CABIN1: variants seen among roughly 807,000 people sequenced by gnomAD.
CABIN1 encodes calcineurin binding protein 1, also known as calcineurin-binding protein cabin-1.
A neutral mutation model predicts 227.7 loss-of-function variants in CABIN1; 133 were observed. That is an observed-to-expected ratio of 0.58 (90% confidence interval 0.51 to 0.67). The LOEUF is 0.67. Among genes scored for constraint, CABIN1 ranks in the 30% least tolerant of loss-of-function variants. The probability of loss-of-function intolerance (pLI) is 0.00; values close to 1 mark genes in which losing one functional copy is unlikely to be tolerated. For missense variants in CABIN1, 2,408 were observed against 2,852.5 expected, an observed-to-expected ratio of 0.84 and a Z score of 3.55; for synonymous variants, 1,086 against 1,155.1, an observed-to-expected ratio of 0.94 and a Z score of 1.21.
chr22:24,086,123 A>G (rs1190944209), intron 22 of CABIN1, among the ~76,000 whole-genome samples: 1 of 152,230 alleles, frequency 6.6e-6, no homozygotes, highest in East Asian at 1.9e-4. Context: ...GGTTTCTTCC[A>G]GTCAGGGAGC....
chr22:24,070,322 T>C (rs571618209), intron 16 of CABIN1, among the ~76,000 whole-genome samples: 1 of 152,354 alleles, frequency 6.6e-6, no homozygotes, highest in South Asian at 2.1e-4. Flanking sequence ...GTGATGACTT[T>C]AGTGTTGCCT....
intron 29 of CABIN1, among the ~76,000 whole-genome samples, chr22:24,157,034 T>G (rs1164332099): frequency 2.6e-5 from 4 of 151,724 alleles, no homozygotes; most frequent in African/African-American, 9.7e-5. Flanking sequence ...TTGCCCTCAG[T>G]AGCCCCGCCT....
intron 30 of CABIN1, 85 bp downstream of exon 30, chr22:24,164,648 G>T: frequency 6.8e-7 from 1 of 1,471,894 alleles, no homozygotes; most frequent in Non-Finnish European, 9.2e-7. Context: ...CACTGCTCTG[G>T]CCCAGCTGTG....
chr22:24,113,398 G>C (rs938317258), intron 26 of CABIN1, among the ~76,000 whole-genome samples, 168 bp from the exon 27 acceptor site: 16 of 152,212 alleles, frequency 1.1e-4, no homozygotes, highest in African/African-American at 3.9e-4. Context: ...GTTGCTCCGT[G>C]GCCTCTGGGA....
intron 19 of CABIN1, among the ~76,000 whole-genome samples, chr22:24,078,002 C>T (rs2040554058): frequency 6.6e-6 from 1 of 152,186 alleles, no homozygotes; most frequent in African/African-American, 2.4e-5. Flanking sequence ...GCCCAAGGCC[C>T]AGCCTTTACA....
At position 24,177,557 on chromosome 22, in the gene CABIN1, A is replaced by C; in HGVS notation, c.6259A>C (p.Ser2087Arg). Residue 2087 changes from serine (S) to arginine (R), a missense_variant, in exon 36 of 37, where the codon AGT becomes CGT. Ser to Arg is a moderately radical substitution (Grantham distance 110). This residue lies in a region of CABIN1 where 714 missense variants were observed against 773.8 expected (regional missense o/e 0.92). Coordinates refer to ENST00000263119, the MANE Select transcript of CABIN1 (RefSeq NM_012295.4). The surrounding 1 kb of genome is among the most constrained non-coding windows in gnomAD (Gnocchi z 4.4). ...RRDGEAQEAA[S>R]ETQPLSSPPT... ...GGATGGGGAGGCTCAGGAGGCTGCG[A>C]GTGAGACTCAGCCCCTGAGCTCTCC... is the stretch of plus-strand genomic sequence containing the variant. 2 of 1,583,800 alleles carry C rather than the reference A, an allele frequency of 1.3e-6. No individual in the cohort carries two copies. Among genetic ancestry groups the C allele is most frequent in the Non-Finnish European group, 1.7e-6 (2 of 1,160,056 alleles).
chr22:24,053,867 C>T lies in CABIN1; in HGVS notation c.807-1006C>T, dbSNP rs144572512. On this transcript the variant is annotated intron_variant, in intron 8 of 36. Coordinates refer to ENST00000263119, the MANE Select transcript of CABIN1 (RefSeq NM_012295.4). ...CTGATGGGGGCTGTGAGGAGAGAAG[C>T]GCAGTGCTGGAAGGCCTCTGAACAA... 8.0e-3 allele frequency among the ~76,000 whole-genome samples: 1,214 copies of T among 152,048 alleles called. 6 individuals carry two copies. Among genetic ancestry groups the T allele is most frequent in the South Asian group, 0.015 (70 of 4,818 alleles).
chr22:24,178,560 G>T lies in CABIN1; in HGVS notation c.*364G>T. The T allele has an allele frequency of 3.0e-6, 1 of 337,354 alleles. No homozygotes were observed. Among genetic ancestry groups the T allele is most frequent in the South Asian group, 2.8e-5 (1 of 35,952 alleles). The allele number at this position is 337,354 out of a possible 1,614,324, so 20.9% of individuals were successfully genotyped here. Reference sequence around the variant, plus strand: ...CGGCTCTGCCTGTGTCACAGTGGAGGGGTCCTTTAGGGCCAGGCTCACCCC... The same window carrying T: ...CGGCTCTGCCTGTGTCACAGTGGAGTGGTCCTTTAGGGCCAGGCTCACCCC... On this transcript the variant is annotated 3_prime_UTR_variant, in exon 37 of 37. Coordinates refer to ENST00000263119, the MANE Select transcript of CABIN1 (RefSeq NM_012295.4).
rs1460294413 is a variant in CABIN1 at position 24,072,432 on chromosome 22, C to T, written c.2554C>T (p.His852Tyr). ...TTCAGTGCTACCCTGGATCATTCTA[C>T]ACCGGATCATCTGGCAGGAGGAAGA... is the stretch of plus-strand genomic sequence containing the variant. ...VSSVLPWIILHRIIWQEEDTF... is the reference protein window; with the variant it reads ...VSSVLPWIILYRIIWQEEDTF... Residue 852 changes from histidine (H) to tyrosine (Y), a missense_variant, in exon 18 of 37, where the codon CAC (histidine) becomes TAC (tyrosine). This residue lies in a region of CABIN1 where 1,045 missense variants were observed against 1,168.4 expected (regional missense o/e 0.89). Transcript: ENST00000263119. 6.2e-7 allele frequency: 1 copy of T among 1,614,212 alleles called. No homozygotes were observed. Among genetic ancestry groups the T allele is most frequent in the East Asian group, 2.2e-5 (1 of 44,884 alleles).
intron 28 of CABIN1, among the ~76,000 whole-genome samples, chr22:24,121,616 T>G (rs1233905884): frequency 6.6e-6 from 1 of 152,228 alleles, no homozygotes; most frequent in Non-Finnish European, 1.5e-5. Context: ...ATGTCCTCAC[T>G]GCTGAAGCCG....
At chr22:24,100,486 A>G (rs2042140011) in intron 26 of CABIN1, among the ~76,000 whole-genome samples, 1 of 152,196 alleles carries the variant, frequency 6.6e-6, no homozygotes. Context: ...CACACTGCCC[A>G]CCTCTGTTCC....
intron 8 of CABIN1, 54 bp downstream of exon 8, chr22:24,051,028 G>A: frequency 6.2e-7 from 1 of 1,609,956 alleles, no homozygotes; most frequent in East Asian, 2.2e-5. Context: ...GCCCTGTTGT[G>A]GGATGCTGCC....
rs1050329136 is a variant in CABIN1 at position 24,070,690 on chromosome 22, C to T, written c.2233-110C>T. On this transcript the variant is annotated intron_variant, in intron 16 of 36. Coordinates refer to ENST00000263119, the MANE Select transcript of CABIN1 (RefSeq NM_012295.4). Reference sequence around the variant, plus strand: ...TATGTTGTGCTGGGGCTCGTTCTTCCCTTTCTTTTGCTGCCCCTCATCTGT... The same window carrying T: ...TATGTTGTGCTGGGGCTCGTTCTTCTCTTTCTTTTGCTGCCCCTCATCTGT... The T allele has an allele frequency of 2.0e-6, 3 of 1,526,592 alleles. No homozygotes were observed. The African/African-American group carries it at 4.1e-5, about 21-fold the overall frequency. The allele number at this position is 1,526,592 out of a possible 1,614,324, so 94.6% of individuals were successfully genotyped here. A position where few individuals can be genotyped will look rare whatever the true frequency, so the allele number is the denominator to read the frequency against.
intron 6 of CABIN1, among the ~76,000 whole-genome samples, chr22:24,047,544 G>A (rs1198726274): frequency 6.6e-6 from 1 of 152,196 alleles, no homozygotes; most frequent in East Asian, 1.9e-4. Context: ...GGCACCTTTG[G>A]ACCATCTATT....
At chr22:24,026,827 C>T (rs1208867538) in intron 1 of CABIN1, among the ~76,000 whole-genome samples, 1 of 152,188 alleles carries the variant, frequency 6.6e-6, no homozygotes, top group African/African-American at 2.4e-5. Context: ...GTGATCCGTC[C>T]AATATTACTA....
intron 1 of CABIN1, among the ~76,000 whole-genome samples, chr22:24,027,837 G>GT (rs1275903911): frequency 1.3e-5 from 2 of 152,014 alleles, no homozygotes; most frequent in Non-Finnish European, 2.9e-5. Flanking sequence ...ATACATTACT[G>GT]TTTTTTTATA....
intron 26 of CABIN1, among the ~76,000 whole-genome samples, chr22:24,104,348 C>T (rs528338956): frequency 6.6e-6 from 1 of 152,322 alleles, no homozygotes; most frequent in East Asian, 1.9e-4. Flanking sequence ...TTAAAGCCTC[C>T]CGAGGCCTCC....
At chr22:24,048,699 C>T (rs879627727) in intron 6 of CABIN1, among the ~76,000 whole-genome samples, 3 of 152,184 alleles carry the variant, frequency 2.0e-5, no homozygotes, top group Non-Finnish European at 4.4e-5. Context: ...GGATTATAGG[C>T]GTGAGCCCTG....
At chr22:24,055,846 A>C (rs1211160302) in intron 9 of CABIN1, among the ~76,000 whole-genome samples, 3 of 152,204 alleles carry the variant, frequency 2.0e-5, no homozygotes, top group Non-Finnish European at 4.4e-5. Flanking sequence ...GGGTAGGGTC[A>C]TAGCCACTCA....
Sources: gnomAD v4.1 joint callset for allele counts (sites outside exome capture counted in the v4.1 genomes callset) on GRCh38, gnomAD v4.1.1 for gene constraint, gnomAD v4.1.1 regional missense constraint, Gnocchi (gnomAD v3.1) non-coding constraint, MANE v1.5 for transcripts, NCBI Gene and HGNC (gene_info 2026-07-23, HGNC 2026-07-21) for gene names.